Variants in BLM observed in about 807,000 individuals in gnomAD.
BLM encodes the protein BLM RecQ like helicase, also known as recQ-like DNA helicase BLM.
BLM carries 95 observed loss-of-function variants against 135.3 expected under a neutral mutation model. The observed-to-expected ratio is 0.70, with a 90% CI of 0.59 to 0.83. BLM has a LOEUF of 0.83. Ranked by LOEUF, BLM falls within the 40% of genes least tolerant of loss-of-function variation. The pLI, the probability that BLM is intolerant of heterozygous loss-of-function variation, is 0.00. For missense variants in BLM, 1,518 were observed against 1,663.9 expected (o/e 0.91, Z 1.53); for synonymous variants, 520 against 589.2 (o/e 0.88, Z 1.70).
intron 5 of BLM, among the ~76,000 whole-genome samples, chr15:90,758,630 C>T (rs1489951331): frequency 3.9e-5 from 6 of 152,188 alleles, no homozygotes; most frequent in Non-Finnish European, 8.8e-5. Context: ...CTTCCCTTCT[C>T]TCTCCTCTCT....
At chr15:90,724,914 T>C (rs536938998) in intron 1 of BLM, among the ~76,000 whole-genome samples, 1 of 152,262 alleles carries the variant, frequency 6.6e-6, no homozygotes, top group African/African-American at 2.4e-5. Flanking sequence ...GAGGAAGTTT[T>C]GTTTTGTTTT....
chr15:90,811,806 T>C (rs767290553), intron 21 of BLM, among the ~76,000 whole-genome samples: 10 of 151,732 alleles, frequency 6.6e-5, no homozygotes, highest in Non-Finnish European at 1.2e-4. Context: ...TCCAGGTGTA[T>C]ACCATCACTC....
At chr15:90,746,718 A>C (rs774205777) in intron 1 of BLM, among the ~76,000 whole-genome samples, 1 of 152,222 alleles carries the variant, frequency 6.6e-6, no homozygotes, top group East Asian at 1.9e-4. Context: ...TTAACTATGC[A>C]TGGATTACAG....
At position 90,742,231 on chromosome 15, in the gene BLM, CTTAG is replaced by C. The variant is rs146666125; in HGVS notation, c.-4-5153_-4-5150del. ...ACAAAAAGTAGATTTTTTGATCGTT[CTTAG>C]TTAGGCTCACCACCTTTGCCCCAGG... On this transcript the variant is annotated intron_variant, in intron 1 of 21. Coordinates refer to ENST00000355112, the MANE Select transcript of BLM (RefSeq NM_000057.4). Among the ~76,000 whole-genome samples, 1,353 of 152,214 alleles carry C rather than the reference CTTAG, an allele frequency of 8.9e-3. 23 individuals carry two copies. Among genetic ancestry groups the C allele is most frequent in the African/African-American group, 0.031 (1,300 of 41,520 alleles).
intron 16 of BLM, among the ~76,000 whole-genome samples, chr15:90,795,599 C>A (rs1784897186): frequency 6.6e-6 from 1 of 152,198 alleles, no homozygotes; most frequent in Admixed American, 6.5e-5. Flanking sequence ...CCTCCCACCC[C>A]ACCCCATCCC....
chr15:90,718,245 A>G (rs892284305), intron 1 of BLM, among the ~76,000 whole-genome samples: 3 of 152,370 alleles, frequency 2.0e-5, no homozygotes, highest in Middle Eastern at 3.4e-3. Flanking sequence ...AATCTGAAGT[A>G]CAAAGAGGTT....
intron 14 of BLM, among the ~76,000 whole-genome samples, chr15:90,785,795 A>G (rs1896731939): frequency 6.6e-6 from 1 of 151,790 alleles, no homozygotes; most frequent in African/African-American, 2.4e-5. Context: ...AGCCTCCCAA[A>G]GTGCTGGGAT....
intron 1 of BLM, among the ~76,000 whole-genome samples, chr15:90,729,954 T>A (rs1314375520): frequency 6.6e-6 from 1 of 152,176 alleles, no homozygotes; most frequent in Non-Finnish European, 1.5e-5. Flanking sequence ...CAAGCGATTC[T>A]CCTGCCTCAA....
intron 16 of BLM, among the ~76,000 whole-genome samples, chr15:90,797,219 G>A (rs1486024981): frequency 6.6e-6 from 1 of 151,918 alleles, no homozygotes; most frequent in Non-Finnish European, 1.5e-5. Flanking sequence ...TTAAAGACTA[G>A]CCTGGCCAAC....
At chr15:90,785,186 C>T (rs1261041203) in intron 14 of BLM, 105 bp downstream of exon 14, 1 of 1,253,038 alleles carries the variant, frequency 8.0e-7, no homozygotes, top group Non-Finnish European at 1.1e-6. Flanking sequence ...AGGTAGTAAA[C>T]ATCAAAATAA....
chr15:90,767,387 GT>G (rs1896163445), intron 10 of BLM, among the ~76,000 whole-genome samples: 1 of 152,166 alleles, frequency 6.6e-6, no homozygotes, highest in Non-Finnish European at 1.5e-5. Flanking sequence ...TTCACTAGTT[GT>G]CCCAATAATG....
intron 1 of BLM, among the ~76,000 whole-genome samples, chr15:90,721,441 C>T (rs1395857418): frequency 2.0e-5 from 3 of 152,066 alleles, no homozygotes; most frequent in Non-Finnish European, 2.9e-5. Flanking sequence ...ATTCTCCTGC[C>T]TCAGCCTCCT....
At chr15:90,806,415 G>A (rs1167356890) in intron 19 of BLM, among the ~76,000 whole-genome samples, 2 of 151,802 alleles carry the variant, frequency 1.3e-5, no homozygotes, top group African/African-American at 4.8e-5. Flanking sequence ...GGAACCTGAG[G>A]CAGGAGAATT....
At chr15:90,738,339 C>T (rs865979834) in intron 1 of BLM, among the ~76,000 whole-genome samples, 6 of 152,054 alleles carry the variant, frequency 3.9e-5, no homozygotes, top group Admixed American at 1.3e-4. Flanking sequence ...GGGAGGCTGC[C>T]GGGACGGGAG....
intron 15 of BLM, among the ~76,000 whole-genome samples, chr15:90,791,936 G>A (rs758424093): frequency 5.9e-5 from 9 of 151,400 alleles, no homozygotes; most frequent in East Asian, 2.0e-4. Flanking sequence ...CACCACGCCC[G>A]GCCTTATAGG....
chr15:90,740,707 C>T (rs540344201), intron 1 of BLM, among the ~76,000 whole-genome samples: 2 of 152,236 alleles, frequency 1.3e-5, no homozygotes, highest in East Asian at 1.9e-4. Flanking sequence ...GGAGGGACCT[C>T]GTGGGAGGTA....
chr15:90,805,791 A>G (rs1021579239), intron 19 of BLM, among the ~76,000 whole-genome samples: 9 of 151,612 alleles, frequency 5.9e-5, no homozygotes, highest in Admixed American at 4.6e-4. Flanking sequence ...TCAGCCTCCC[A>G]AAGTGCTGGG....
Position 90,749,943 on chromosome 15 carries a change from G to C in BLM, c.675G>C (p.Lys225Asn). The change falls in exon 3 of 22, where the codon AAG becomes AAC. Residue 225 changes from lysine to asparagine, a missense_variant. This residue lies in a region of BLM where 724 missense variants were observed against 756.9 expected (regional missense o/e 0.96). Transcript: ENST00000355112. The part of the protein sequence containing the change: ...SEQIDLTEEQ[K>N]DDSEWLSSDV... The stretch of plus-strand genomic sequence containing the variant: ...AAATAGATTTGACTGAGGAACAGAA[G>C]GATGACTCAGAATGGTTAAGCAGCG... The C allele has an allele frequency of 6.2e-7, 1 of 1,614,136 alleles. No homozygotes were observed. Among genetic ancestry groups the C allele is most frequent in the East Asian group, 2.2e-5 (1 of 44,880 alleles).
intron 10 of BLM, 95 bp from the exon 11 acceptor site, chr15:90,769,038 T>C (rs1166409536): frequency 6.2e-6 from 7 of 1,131,558 alleles, no homozygotes; most frequent in African/African-American, 3.1e-5. Context: ...ATAGAGGTTT[T>C]AATACAGCTT....
Sources: allele counts gnomAD v4.1 joint callset (sites outside exome capture counted in the v4.1 genomes callset), GRCh38; gene constraint gnomAD v4.1.1; regional missense constraint gnomAD v4.1.1; transcripts MANE v1.5; gene names NCBI Gene and HGNC (gene_info 2026-07-23, HGNC 2026-07-21).